The following RASSF5 variants were observed in gnomAD, a reference collection of about 807,000 sequenced individuals.
RASSF5 encodes ras association domain-containing protein 5.
RASSF5 carries 25 observed loss-of-function variants against 40.5 expected under a neutral mutation model. The observed-to-expected ratio is 0.62, with a 90% confidence interval of 0.45 to 0.86. The LOEUF (loss-of-function observed/expected upper bound fraction) is 0.86. Among genes scored for constraint, RASSF5 ranks in the 40% least tolerant of loss-of-function variants. RASSF5 has a pLI of 0.00. For missense variants in RASSF5, 521 were observed against 572.8 expected (o/e 0.91, Z 0.92); for synonymous variants, 246 against 252.4 (o/e 0.97, Z 0.24).
chr1:206,534,303 C>T (rs2103519892), intron 1 of RASSF5, among the ~76,000 whole-genome samples: 1 of 152,172 alleles, frequency 6.6e-6, no homozygotes, highest in East Asian at 1.9e-4. Flanking sequence ...ACATTTACTT[C>T]CCTCAAAGCA....
At chr1:206,538,039 C>T (rs1667462266) in intron 1 of RASSF5, 133 bp from the exon 2 acceptor site, 1 of 1,288,782 alleles carries the variant, frequency 7.8e-7, no homozygotes, top group Non-Finnish European at 1.1e-6. Flanking sequence ...CACGCTGTCT[C>T]CCGCCCCACC....
In RASSF5 at chr1:206,534,220, G is replaced by A. The variant is rs539133306; in HGVS notation, c.458-3952G>A. Among the ~76,000 whole-genome samples the A allele has an allele frequency of 2.6e-5, 4 of 152,202 alleles. No individual in the cohort carries two copies. The South Asian group carries it at 6.2e-4, about 24-fold the overall frequency. ...GGGAGAGGGGCTCCTATTGTGGTTTGTCTCCTTCATTTCCCTTTACAGTTG... is the reference window on the plus strand; with the variant it reads ...GGGAGAGGGGCTCCTATTGTGGTTTATCTCCTTCATTTCCCTTTACAGTTG... On this transcript the variant is annotated intron_variant, in intron 1 of 5. Transcript: ENST00000579436.
At chr1:206,578,233 A>AGTGTGTGTGT (rs58059864) in intron 2 of RASSF5, among the ~76,000 whole-genome samples, 287 of 117,572 alleles carry the variant, frequency 2.4e-3, no homozygotes, top group East Asian at 0.021. Flanking sequence ...AAAAAAAAAA[A>AGTGTGTGTGT]GTGTGTGTGT....
intron 2 of RASSF5, among the ~76,000 whole-genome samples, chr1:206,555,120 T>G (rs1222091670): frequency 6.6e-6 from 1 of 152,144 alleles, no homozygotes; most frequent in Non-Finnish European, 1.5e-5. Context: ...CCTATTCAGA[T>G]GTCAGATTTT....
rs181200051 is a variant in RASSF5, at chr1:206,565,001, T to C, written c.580-18268T>C. ...TTAGCTAATCACTCTCCAGCCTACA[T>C]CCCTCGCCCCACCTCTCTTCCTAGC... On this transcript the variant is annotated intron_variant, in intron 2 of 5. Coordinates refer to ENST00000579436, the MANE Select transcript of RASSF5 (RefSeq NM_182663.4). Among the ~76,000 whole-genome samples the C allele has an allele frequency of 9.2e-5, 14 of 152,198 alleles. No individual in the cohort carries two copies. In the East Asian group the frequency reaches 2.7e-3, roughly 29 times the overall value.
intron 1 of RASSF5, among the ~76,000 whole-genome samples, chr1:206,509,726 C>CT (rs11336770): frequency 9.4e-4 from 138 of 146,698 alleles, no homozygotes; most frequent in Middle Eastern, 3.4e-3. Flanking sequence ...TTGTGATTTT[C>CT]TTTTTTTTTT....
chr1:206,511,897 C>G (rs1553394721), intron 1 of RASSF5, among the ~76,000 whole-genome samples: 1 of 152,108 alleles, frequency 6.6e-6, no homozygotes, highest in African/African-American at 2.4e-5. Context: ...CTTGTGGGTT[C>G]TTTGTGAAAA....
Position 206,513,388 on chromosome 1 carries a change from G to A in RASSF5, c.457+5329G>A, listed in dbSNP as rs1666666889. 6.6e-6 allele frequency among the ~76,000 whole-genome samples: 1 copy of A among 152,218 alleles called. No individual in the cohort carries two copies. On this transcript the variant is annotated intron_variant, in intron 1 of 5. Transcript: ENST00000579436. The surrounding 1 kb of genome is among the most constrained non-coding windows in gnomAD (Gnocchi z 5.0). Reference sequence around the variant, plus strand: ...AAGGTGAGTATTCTTGGGTGGGTGAGTATTTGTGGGTGTGCAAAGCATGCA... The same window carrying A: ...AAGGTGAGTATTCTTGGGTGGGTGAATATTTGTGGGTGTGCAAAGCATGCA...
rs1668791354 is a variant in RASSF5, at chr1:206,579,628, C to T, written c.580-3641C>T. On this transcript the variant is annotated intron_variant, in intron 2 of 5. Coordinates refer to ENST00000579436, the MANE Select transcript of RASSF5 (RefSeq NM_182663.4). This position sits in a 1 kb window ranked among gnomAD's most constrained non-coding sequence, Gnocchi z 4.2. ...GGGGTCTGTCTATTTCAGTTCTTTT[C>T]GAATGTTGCTGCGAATTAAAATCAA... Among the ~76,000 whole-genome samples, 1 of 152,108 alleles carries T rather than the reference C, an allele frequency of 6.6e-6. No homozygotes were observed. Among genetic ancestry groups the T allele is most frequent in the Non-Finnish European group, 1.5e-5 (1 of 68,030 alleles).
chr1:206,536,287 G>T (rs1667390862), intron 1 of RASSF5, among the ~76,000 whole-genome samples: 2 of 152,190 alleles, frequency 1.3e-5, no homozygotes, highest in Admixed American at 6.5e-5. Flanking sequence ...GAGGAGGGAG[G>T]CGTAGAGAAG....
rs114594913 is a variant in RASSF5 at position 206,517,436 on chromosome 1, C to T, written c.457+9377C>T. Among the ~76,000 whole-genome samples the T allele has an allele frequency of 5.6e-3, 854 of 152,222 alleles. 7 individuals are homozygous for T. The highest frequency in any genetic ancestry group is 0.019 in the African/African-American group (799 of 41,524). ...GCAGTGAGCTATGATTGGACCATTG[C>T]ACTCCAACCTGGATGACAGAGCAAG... On this transcript the variant is annotated intron_variant, in intron 1 of 5. Coordinates refer to ENST00000579436, the MANE Select transcript of RASSF5 (RefSeq NM_182663.4).
intron 2 of RASSF5, among the ~76,000 whole-genome samples, chr1:206,567,301 G>C (rs782268533): frequency 6.6e-6 from 1 of 152,182 alleles, no homozygotes; most frequent in Admixed American, 6.5e-5. Context: ...GGGAGGGAGC[G>C]GGGGAGCCTG....
At chr1:206,565,271 G>T (rs1553403205) in intron 2 of RASSF5, among the ~76,000 whole-genome samples, 1 of 152,150 alleles carries the variant, frequency 6.6e-6, no homozygotes, top group East Asian at 1.9e-4. Flanking sequence ...GCCTCTCACT[G>T]AGATGCCCCA....
At chr1:206,510,016 G>GT (rs1255654957) in intron 1 of RASSF5, among the ~76,000 whole-genome samples, 1 of 152,090 alleles carries the variant, frequency 6.6e-6, no homozygotes, top group Non-Finnish European at 1.5e-5. Context: ...AAGCAAAACT[G>GT]GAATCGAGGG....
Position 206,585,238 on chromosome 1 carries a change from G to A in RASSF5, c.1047G>A (p.Gly349=), listed in dbSNP as rs781991608. The A allele has an allele frequency of 1.9e-6, 3 of 1,614,138 alleles. No homozygotes were observed. The African/African-American group carries it at 4.0e-5, about 22-fold the overall frequency. Residue 349 remains glycine (G), a synonymous_variant, in exon 5 of 6, where the codon GGG becomes GGA. Transcript: ENST00000579436. Reference sequence around the variant, plus strand: ...CCCTCTACCTGCGCCTGCTTGCTGGGCCTGACACGGAGGTCCTCAGCTTTG... The same window carrying A: ...CCCTCTACCTGCGCCTGCTTGCTGGACCTGACACGGAGGTCCTCAGCTTTG... ...DRPLYLRLLA[G]PDTEVLSFVL... is the part of the protein sequence containing the mutation.
chr1:206,508,038 C>T lies in RASSF5; in HGVS notation c.436C>T (p.Arg146Trp), dbSNP rs1553394124. 2 of 1,415,938 alleles carry T rather than the reference C, an allele frequency of 1.4e-6. No homozygotes were observed. Among genetic ancestry groups the T allele is most frequent in the South Asian group, 1.6e-5 (1 of 64,306 alleles). The allele number at this position is 1,415,938 out of a possible 1,614,324, so 87.7% of individuals were successfully genotyped here. ...WCDLCGREVLRQALRCTNCKF... is the reference protein window; with the variant it reads ...WCDLCGREVLWQALRCTNCKF... ...TGACCTGTGCGGACGAGAGGTGCTG[C>T]GGCAGGCGCTGCGCTGCACTAGTAA... Residue 146 changes from arginine to tryptophan, a missense_variant, in exon 1 of 6, where the codon CGG becomes TGG. Arg to Trp is a moderately radical substitution (Grantham distance 101). Around this residue, in one of 2 missense-constraint regions of RASSF5, gnomAD observed 284 missense variants for 360.8 expected, o/e 0.79. Coordinates refer to ENST00000579436, the MANE Select transcript of RASSF5 (RefSeq NM_182663.4).
At chr1:206,541,988 C>T (rs183176020) in intron 2 of RASSF5, 214 of 152,364 alleles carry the variant, frequency 1.4e-3, no homozygotes, top group Non-Finnish European at 2.0e-3. Flanking sequence ...CCAGGGCAAC[C>T]CCGGCAGCTC....
At chr1:206,558,770 TAA>T (rs1160441385) in intron 2 of RASSF5, among the ~76,000 whole-genome samples, 4 of 152,184 alleles carry the variant, frequency 2.6e-5, no homozygotes, top group African/African-American at 9.7e-5. Flanking sequence ...AGGAGTCAAC[TAA>T]AATAGGCCCC....
chr1:206,524,956 C>T (rs1667060342), intron 1 of RASSF5, among the ~76,000 whole-genome samples: 1 of 151,820 alleles, frequency 6.6e-6, no homozygotes, highest in East Asian at 1.9e-4. Context: ...TGGAAACAGG[C>T]CATGTGGAGA....
Sources: gnomAD v4.1 joint callset for allele counts (sites outside exome capture counted in the v4.1 genomes callset) on GRCh38, gnomAD v4.1.1 for gene constraint, gnomAD v4.1.1 regional missense constraint, Gnocchi (gnomAD v3.1) non-coding constraint, MANE v1.5 for transcripts, NCBI Gene and HGNC (gene_info 2026-07-23, HGNC 2026-07-21) for gene names.